Variants in EPHA4 observed in about 807,000 individuals in gnomAD.
The protein encoded by EPHA4 is EPH receptor A4.
EPHA4 carries 19 observed loss-of-function variants against 108.3 expected under a neutral mutation model. The observed-to-expected ratio is 0.18, with a 90% CI of 0.12 to 0.26. The LOEUF is 0.26. EPHA4 is among the 10% of genes least tolerant of loss of function. EPHA4 has a pLI of 1.00. For missense variants in EPHA4, 917 were observed against 1,254.0 expected (o/e 0.73, Z 4.06); for synonymous variants, 449 against 455.5 (o/e 0.99, Z 0.18).
chr2:221,455,612 C>G lies in EPHA4; in HGVS notation c.1650G>C (p.Leu550=). Residue 550 remains leucine, a synonymous_variant, in exon 8 of 18, where the codon CTG becomes CTC. Coordinates refer to ENST00000281821, the MANE Select transcript of EPHA4 (RefSeq NM_004438.5). ...GCACCACACTGCCCGAGACAGAGAC[C>G]AGAAGGACTGTGGAGTTAGCCCCAT... ...IGDGANSTVL[L]VSVSGSVVLV... is the part of the protein sequence containing the mutation. 6.2e-7 allele frequency: 1 copy of G among 1,613,904 alleles called. No individual in the cohort carries two copies. Among genetic ancestry groups the G allele is most frequent in the Non-Finnish European group, 8.5e-7 (1 of 1,179,898 alleles).
chr2:221,563,663 A>T, intron 3 of EPHA4, 68 bp downstream of exon 3: 1 of 1,540,834 alleles, frequency 6.5e-7, no homozygotes, highest in Non-Finnish European at 8.8e-7. Context: ...TACTCCATTT[A>T]GTCTCATCTC....
At chr2:221,447,940 C>G (rs2106110363) in intron 8 of EPHA4, among the ~76,000 whole-genome samples, 1 of 152,110 alleles carries the variant, frequency 6.6e-6, no homozygotes, top group African/African-American at 2.4e-5. Flanking sequence ...CTCTAGGGCT[C>G]AAGCGATCCT....
intron 3 of EPHA4, among the ~76,000 whole-genome samples, chr2:221,524,267 G>A (rs1055085569): frequency 3.9e-5 from 6 of 152,174 alleles, no homozygotes; most frequent in African/African-American, 1.4e-4. Flanking sequence ...ATCAGGTACT[G>A]CCTGAGCACC....
Position 221,419,219 on chromosome 2 carries a change from C to G in EPHA4, c.*2153G>C, listed in dbSNP as rs1186359940. 6.6e-6 allele frequency: 1 copy of G among 152,524 alleles called. No individual in the cohort carries two copies. The highest frequency in any genetic ancestry group is 1.5e-5 in the Non-Finnish European group (1 of 68,016). 9.4% of individuals were successfully genotyped at this position (152,524 alleles called of 1,614,324 possible). Reference sequence around the variant, plus strand: ...ATATCAATACTGAATCTTCACACTCCGGAGCTCCGATTCTAGAAGGCTGAT... The same window carrying G: ...ATATCAATACTGAATCTTCACACTCGGGAGCTCCGATTCTAGAAGGCTGAT... On this transcript the variant is annotated 3_prime_UTR_variant, in exon 18 of 18. Transcript: ENST00000281821.
intron 3 of EPHA4, among the ~76,000 whole-genome samples, chr2:221,523,897 ATTT>A (rs1693247583): frequency 6.6e-6 from 1 of 152,142 alleles, no homozygotes; most frequent in Non-Finnish European, 1.5e-5. Flanking sequence ...TCAGTAGAAT[ATTT>A]TTTGAGCACC....
At chr2:221,493,026 C>A (rs1692194834) in intron 4 of EPHA4, among the ~76,000 whole-genome samples, 1 of 152,112 alleles carries the variant, frequency 6.6e-6, no homozygotes, top group African/African-American at 2.4e-5. Context: ...GATAAAATGG[C>A]TAGAGATCAA....
At chr2:221,477,233 C>G (rs578165127) in intron 5 of EPHA4, among the ~76,000 whole-genome samples, 1 of 152,276 alleles carries the variant, frequency 6.6e-6, no homozygotes, top group South Asian at 2.1e-4. Flanking sequence ...ACGGGAGCAT[C>G]ATGCTTTCAG....
rs1356824377 is a variant in EPHA4 at position 221,446,149 on chromosome 2, G to A, written c.1748C>T (p.Ala583Val). The part of the protein sequence containing the change: ...RSKYSKAKQE[A>V]DEEKHLNQGV... The stretch of plus-strand genomic sequence containing the variant: ...TTGATTCAAATGTTTCTCTTCATCC[G>A]CTTCTTGTTTGGCTTTACTGTATTT... Residue 583 changes from alanine to valine, a missense_variant, in exon 9 of 18, where the codon GCG (alanine) becomes GTG (valine). Around this residue, in one of 3 missense-constraint regions of EPHA4, gnomAD observed 758 missense variants for 1,076.7 expected, o/e 0.70. Coordinates refer to ENST00000281821, the MANE Select transcript of EPHA4 (RefSeq NM_004438.5). The A allele has an allele frequency of 6.5e-6, 10 of 1,544,824 alleles. No individual in the cohort carries two copies. Among genetic ancestry groups the A allele is most frequent in the East Asian group, 2.4e-5 (1 of 41,128 alleles).
rs189253299 is a variant in EPHA4, at chr2:221,537,719, G to A, written c.823+26012C>T. Among the ~76,000 whole-genome samples, 26 of 152,362 alleles carry A rather than the reference G, an allele frequency of 1.7e-4. No homozygotes were observed. In the East Asian group the frequency reaches 2.5e-3, roughly 15 times the overall value. ...GCCGGAGGATCATTTGAACCTAAGA[G>A]TTGGAGGCTGCAATGAGCTATGATG... is the stretch of plus-strand genomic sequence containing the variant. On this transcript the variant is annotated intron_variant, in intron 3 of 17. Coordinates refer to ENST00000281821, the MANE Select transcript of EPHA4 (RefSeq NM_004438.5).
rs200318871 is a variant in EPHA4 at position 221,424,119 on chromosome 2, G to GTAA, written c.*819+1087_*819+1089dup. On this transcript the variant is annotated intron_variant, in intron 17 of 17. Transcript: ENST00000281821. ...ACAGAGTGAGACTTTGTCTCAAATA[G>GTAA]TAATAATAATAATAATAATAATTTT... is the stretch of plus-strand genomic sequence containing the variant. 5.1e-4 allele frequency among the ~76,000 whole-genome samples: 75 copies of GTAA among 145,658 alleles called. No individual in the cohort carries two copies. In the South Asian group the frequency reaches 6.0e-3, roughly 12 times the overall value.
At chr2:221,456,495 A>T in intron 7 of EPHA4, 118 bp downstream of exon 7, 1 of 971,548 alleles carries the variant, frequency 1.0e-6, no homozygotes, top group Non-Finnish European at 1.5e-6. Flanking sequence ...TATTCATTGC[A>T]GCAAAATGTC....
At chr2:221,467,945 G>T (rs554579251) in intron 5 of EPHA4, among the ~76,000 whole-genome samples, 1 of 152,174 alleles carries the variant, frequency 6.6e-6, no homozygotes, top group South Asian at 2.1e-4. Context: ...CCACTGGAAG[G>T]CAGTTTAGAA....
chr2:221,470,962 T>C (rs928415039), intron 5 of EPHA4, among the ~76,000 whole-genome samples: 1 of 152,108 alleles, frequency 6.6e-6, no homozygotes, highest in Admixed American at 6.6e-5. Flanking sequence ...TCTGTAACCC[T>C]AGAATTGTAT....
At chr2:221,568,813 A>C in intron 1 of EPHA4, 28 bp from the exon 2 acceptor site, 1 of 1,595,514 alleles carries the variant, frequency 6.3e-7, no homozygotes. Flanking sequence ...AAAATAGATG[A>C]ATTTCCAATT....
At chr2:221,450,828 TTC>T (rs1690760799) in intron 8 of EPHA4, among the ~76,000 whole-genome samples, 1 of 152,200 alleles carries the variant, frequency 6.6e-6, no homozygotes, top group African/African-American at 2.4e-5. Context: ...CAGTAATACT[TTC>T]CCTCACTACC....
intron 5 of EPHA4, among the ~76,000 whole-genome samples, chr2:221,467,306 C>T (rs1683425776): frequency 1.3e-5 from 2 of 152,100 alleles, no homozygotes; most frequent in African/African-American, 2.4e-5. Flanking sequence ...ACTATACATT[C>T]GAATCTTGCC....
intron 5 of EPHA4, among the ~76,000 whole-genome samples, chr2:221,468,447 A>T (rs1691382121): frequency 6.6e-6 from 1 of 152,328 alleles, no homozygotes; most frequent in East Asian, 1.9e-4. Flanking sequence ...CAAGCATTCC[A>T]AATCTGGAAA....
chr2:221,482,816 G>T, intron 4 of EPHA4, 126 bp from the exon 5 acceptor site: 1 of 760,936 alleles, frequency 1.3e-6, no homozygotes, highest in Non-Finnish European at 2.1e-6. Flanking sequence ...AAAGCAAAAA[G>T]CAAATCAAGC....
chr2:221,476,183 C>T (rs1691649571), intron 5 of EPHA4, among the ~76,000 whole-genome samples: 1 of 152,178 alleles, frequency 6.6e-6, no homozygotes, highest in Non-Finnish European at 1.5e-5. Context: ...CACATCATCT[C>T]ATTTAGGTTT....
Sources: gnomAD v4.1 joint callset for allele counts (sites outside exome capture counted in the v4.1 genomes callset) on GRCh38, gnomAD v4.1.1 for gene constraint, gnomAD v4.1.1 regional missense constraint, MANE v1.5 for transcripts, NCBI Gene and HGNC (gene_info 2026-07-23, HGNC 2026-07-21) for gene names.